The following TESK2 variants were observed in gnomAD, a reference collection of about 807,000 sequenced individuals.
TESK2 encodes dual specificity testis-specific protein kinase 2.
In TESK2, 39 loss-of-function variants were observed where a neutral mutation model predicts 57.1. The ratio of observed to expected loss-of-function variants is 0.68; its 90% CI spans 0.53 to 0.89. The LOEUF (loss-of-function observed/expected upper bound fraction) is 0.89, where lower values mean the gene tolerates loss of function less well. TESK2 is among the 40% of genes least tolerant of loss of function. The pLI, the probability that TESK2 is intolerant of heterozygous loss-of-function variation, is 0.00. For missense variants in TESK2, 646 were observed against 732.1 expected (o/e 0.88, Z 1.36); for synonymous variants, 249 against 267.9 (o/e 0.93, Z 0.69).
At chr1:45,377,639 G>A (rs1648486278) in intron 4 of TESK2, among the ~76,000 whole-genome samples, 3 of 149,904 alleles carry the variant, frequency 2.0e-5, no homozygotes, top group African/African-American at 4.9e-5. Context: ...GGCTGGTCTC[G>A]AACTCCTGAC....
chr1:45,442,542 C>T (rs1160412860), intron 2 of TESK2, among the ~76,000 whole-genome samples: 1 of 152,112 alleles, frequency 6.6e-6, no homozygotes, highest in Non-Finnish European at 1.5e-5. Context: ...TTACTGTATC[C>T]CAACAGAACC....
intron 3 of TESK2, among the ~76,000 whole-genome samples, chr1:45,391,957 T>C (rs1649161252): frequency 6.6e-6 from 1 of 152,226 alleles, no homozygotes; most frequent in Admixed American, 6.5e-5. Context: ...CTAACCCATA[T>C]GGTTATTGTG....
At chr1:45,377,554 G>A (rs1442989845) in intron 4 of TESK2, among the ~76,000 whole-genome samples, 4 of 151,206 alleles carry the variant, frequency 2.6e-5, no homozygotes, top group Non-Finnish European at 4.4e-5. Context: ...GAGTAGCTGG[G>A]ATTACAAGCA....
At chr1:45,393,292 T>C (rs1303213547) in intron 3 of TESK2, among the ~76,000 whole-genome samples, 1 of 152,166 alleles carries the variant, frequency 6.6e-6, no homozygotes, top group African/African-American at 2.4e-5. Flanking sequence ...TCCCACCCTC[T>C]ACTCAAATAA....
chr1:45,457,898 G>T, intron 1 of TESK2, 27 bp from the exon 2 acceptor site: 2 of 807,766 alleles, frequency 2.5e-6, no homozygotes, highest in African/African-American at 1.7e-5. Flanking sequence ...AATTTCCACT[G>T]AAATCTTTAA....
At chr1:45,367,831 G>A (rs943112913) in intron 4 of TESK2, among the ~76,000 whole-genome samples, 1 of 149,494 alleles carries the variant, frequency 6.7e-6, no homozygotes, top group Non-Finnish European at 1.5e-5. Flanking sequence ...CTAATTTTTT[G>A]TATTTTTAGT....
chr1:45,482,554 T>C (rs1284004863), intron 1 of TESK2, among the ~76,000 whole-genome samples: 1 of 150,854 alleles, frequency 6.6e-6, no homozygotes, highest in African/African-American at 2.4e-5. Flanking sequence ...TTGAATTGCT[T>C]GATATGTACC....
intron 2 of TESK2, among the ~76,000 whole-genome samples, chr1:45,451,891 G>A (rs1651885043): frequency 6.6e-6 from 1 of 151,782 alleles, no homozygotes; most frequent in South Asian, 2.1e-4. Context: ...AAATTAGCCA[G>A]GCATGATGGC....
chr1:45,482,017 T>C (rs1017505988), intron 1 of TESK2, among the ~76,000 whole-genome samples: 1 of 152,204 alleles, frequency 6.6e-6, no homozygotes, highest in African/African-American at 2.4e-5. Context: ...GTGTTGTGAG[T>C]AGCCCCTAAA....
intron 1 of TESK2, among the ~76,000 whole-genome samples, chr1:45,461,637 C>T (rs1353907113): frequency 6.6e-6 from 1 of 152,040 alleles, no homozygotes; most frequent in Admixed American, 6.6e-5. Context: ...AAAAAAGAAA[C>T]TTTAGAAAAA....
At chr1:45,427,811 A>T (rs1252317843) in intron 2 of TESK2, among the ~76,000 whole-genome samples, 1 of 152,160 alleles carries the variant, frequency 6.6e-6, no homozygotes, top group Non-Finnish European at 1.5e-5. Context: ...TGGGTACAAA[A>T]ATATAGCTTG....
chr1:45,383,273 T>C (rs145867357), intron 4 of TESK2, among the ~76,000 whole-genome samples: 41 of 152,318 alleles, frequency 2.7e-4, no homozygotes, highest in Admixed American at 1.7e-3. Flanking sequence ...CCAAGTCAAA[T>C]TATAAGGCAA....
intron 5 of TESK2, among the ~76,000 whole-genome samples, chr1:45,352,087 A>AGATGATAAAAGGGCAAT (rs2149264003): frequency 6.6e-6 from 1 of 152,308 alleles, no homozygotes; most frequent in South Asian, 2.1e-4. Flanking sequence ...TATTTCTCAG[A>AGATGATAAAAGGGCAAT]GATGATAAAA....
chr1:45,413,032 T>C (rs1650096632), intron 3 of TESK2, among the ~76,000 whole-genome samples: 1 of 152,044 alleles, frequency 6.6e-6, no homozygotes, highest in East Asian at 1.9e-4. Flanking sequence ...TCTGAGTGTA[T>C]AGTTCCTCAA....
Position 45,347,072 on chromosome 1 carries a change from A to G in TESK2, c.709-10T>C, listed in dbSNP as rs775610089. ...AAGAGAACACATCTGCCTGGTGGGT[A>G]GTCGGACTTTGGTTTCCCTCTTAAT... On this transcript the variant is annotated splice_polypyrimidine_tract_variant and intron_variant, in intron 7 of 10. Coordinates refer to ENST00000372086, the MANE Select transcript of TESK2 (RefSeq NM_007170.3). 20 of 1,613,860 alleles carry G rather than the reference A, an allele frequency of 1.2e-5. No individual in the cohort carries two copies. The highest frequency in any genetic ancestry group is 1.7e-5 in the Non-Finnish European group (20 of 1,179,880).
chr1:45,466,467 C>T lies in TESK2; in HGVS notation c.-86-8596G>A, dbSNP rs181914352. Among the ~76,000 whole-genome samples the T allele has an allele frequency of 1.8e-3, 278 of 151,610 alleles. 3 individuals are homozygous for T. The highest frequency in any genetic ancestry group is 6.2e-3 in the African/African-American group (257 of 41,320). Reference sequence around the variant, plus strand: ...CCAGCCTGGGCAACAGAGCAAGACTCCGTCTCAAAAAAAACAAAAACAAAA... The same window carrying T: ...CCAGCCTGGGCAACAGAGCAAGACTTCGTCTCAAAAAAAACAAAAACAAAA... On this transcript the variant is annotated intron_variant, in intron 1 of 10. Transcript: ENST00000372086.
At chr1:45,364,767 CTGAG>C (rs1380190028) in intron 4 of TESK2, among the ~76,000 whole-genome samples, 3 of 152,088 alleles carry the variant, frequency 2.0e-5, no homozygotes, top group Non-Finnish European at 2.9e-5. Flanking sequence ...TTTTTAGCAA[CTGAG>C]TGATAGATAT....
intron 3 of TESK2, among the ~76,000 whole-genome samples, chr1:45,411,118 C>A (rs143588523): frequency 8.5e-4 from 130 of 152,302 alleles, no homozygotes; most frequent in African/African-American, 3.1e-3. Flanking sequence ...AGTCATGTGG[C>A]TAGAGATCAC....
chr1:45,402,910 T>C (rs1432056818), intron 3 of TESK2, among the ~76,000 whole-genome samples: 1 of 151,982 alleles, frequency 6.6e-6, no homozygotes, highest in Non-Finnish European at 1.5e-5. Flanking sequence ...CAAAATAAAT[T>C]GCTTTGCATT....
Sources: allele counts gnomAD v4.1 joint callset (sites outside exome capture counted in the v4.1 genomes callset), GRCh38; gene constraint gnomAD v4.1.1; transcripts MANE v1.5; gene names NCBI Gene and HGNC (gene_info 2026-07-23, HGNC 2026-07-21).